Variants in ZNF827 observed in about 807,000 individuals in gnomAD.
The protein encoded by ZNF827 is zinc finger protein 827.
A neutral mutation model predicts 102.4 loss-of-function variants in ZNF827; 13 were observed. That is an observed-to-expected ratio of 0.13 (90% CI 0.08 to 0.20). The LOEUF (loss-of-function observed/expected upper bound fraction) is 0.20. Ranked by LOEUF, ZNF827 falls within the 10% of genes least tolerant of loss-of-function variation. The pLI, the probability that ZNF827 is intolerant of heterozygous loss-of-function variation, is 1.00. For synonymous variants in ZNF827, 523 were observed against 536.2 expected (o/e 0.98, Z 0.34); for missense variants, 1,103 against 1,344.4 (o/e 0.82, Z 2.81).
In ZNF827 at chr4:145,938,464, G is replaced by T; in HGVS notation, c.-57C>A. The T allele has an allele frequency of 1.3e-6, 2 of 1,555,162 alleles. No homozygotes were observed. Among genetic ancestry groups the T allele is most frequent in the Non-Finnish European group, 1.8e-6 (2 of 1,140,142 alleles). Reference sequence around the variant, plus strand: ...TTAATGTGAGATCAAATAAACCCCCGTGGGGGCAGAGAGGCAGACACTGGC... The same window carrying T: ...TTAATGTGAGATCAAATAAACCCCCTTGGGGGCAGAGAGGCAGACACTGGC... On this transcript the variant is annotated 5_prime_UTR_variant, in exon 1 of 15. Coordinates refer to ENST00000508784, the MANE Select transcript of ZNF827 (RefSeq NM_001306215.2).
chr4:145,792,452 T>C (rs949708580), intron 8 of ZNF827, among the ~76,000 whole-genome samples: 1 of 152,208 alleles, frequency 6.6e-6, no homozygotes, highest in African/African-American at 2.4e-5. Context: ...TACTTCTGTT[T>C]GTCATTTCAG....
At chr4:145,789,647 A>AT (rs1739395078) in intron 8 of ZNF827, among the ~76,000 whole-genome samples, 1 of 152,328 alleles carries the variant, frequency 6.6e-6, no homozygotes, top group East Asian at 1.9e-4. Flanking sequence ...CCAAACCCGA[A>AT]TCTGTCTGAC....
intron 1 of ZNF827, among the ~76,000 whole-genome samples, chr4:145,929,194 T>G (rs1034502329): frequency 6.6e-6 from 1 of 152,242 alleles, no homozygotes; most frequent in Admixed American, 6.5e-5. Flanking sequence ...ATTCATTGCA[T>G]GTATTCTCTT....
rs200578366 is a variant in ZNF827, at chr4:145,903,064, C to T, written c.195G>A (p.Thr65=). Residue 65 remains threonine (T), a synonymous_variant, in exon 2 of 15, where the codon ACG becomes ACA. Coordinates refer to ENST00000508784, the MANE Select transcript of ZNF827 (RefSeq NM_001306215.2). Reference sequence around the variant, plus strand: ...TGCTTCCCAAGGAGGTGTCCGGGGACGTGGACTGCTCCTGGATCCGGTCCT... The same window carrying T: ...TGCTTCCCAAGGAGGTGTCCGGGGATGTGGACTGCTCCTGGATCCGGTCCT... ...SLEDRIQEQS[T]SPDTSLGSTT... 39 of 1,614,170 alleles carry T rather than the reference C, an allele frequency of 2.4e-5. No homozygotes were observed. Among genetic ancestry groups the T allele is most frequent in the African/African-American group, 6.7e-5 (5 of 75,034 alleles).
intron 1 of ZNF827, among the ~76,000 whole-genome samples, chr4:145,906,799 A>C (rs1361641643): frequency 6.6e-6 from 1 of 152,258 alleles, no homozygotes; most frequent in Non-Finnish European, 1.5e-5. Context: ...AAATGCCTAG[A>C]TAATTTCTCA....
chr4:145,872,948 T>C (rs1034361262), intron 4 of ZNF827, among the ~76,000 whole-genome samples: 6 of 145,748 alleles, frequency 4.1e-5, no homozygotes, highest in Admixed American at 2.0e-4. Flanking sequence ...TTCTTTTCTT[T>C]TTTTTTTTTT....
chr4:145,871,091 G>C (rs1490756376), intron 4 of ZNF827, among the ~76,000 whole-genome samples: 3 of 152,018 alleles, frequency 2.0e-5, no homozygotes, highest in African/African-American at 7.2e-5. Flanking sequence ...AGTCATCACT[G>C]AGTCCAAAAT....
At chr4:145,807,813 A>C (rs1741625134) in intron 8 of ZNF827, among the ~76,000 whole-genome samples, 4 of 151,956 alleles carry the variant, frequency 2.6e-5, no homozygotes, top group Admixed American at 2.6e-4. Context: ...AAAAAAAACA[A>C]AAAACAAAAA....
At chr4:145,770,715 A>T (rs985121937) in intron 11 of ZNF827, among the ~76,000 whole-genome samples, 2 of 152,218 alleles carry the variant, frequency 1.3e-5, no homozygotes, top group African/African-American at 4.8e-5. Context: ...TGATTGTATT[A>T]TATCCATGGA....
At chr4:145,809,920 G>T (rs922400607) in intron 8 of ZNF827, among the ~76,000 whole-genome samples, 1 of 152,186 alleles carries the variant, frequency 6.6e-6, no homozygotes, top group Non-Finnish European at 1.5e-5. Context: ...CTGCTAGGCT[G>T]CCCTGCATTA....
At chr4:145,795,300 C>CA in intron 8 of ZNF827, among the ~76,000 whole-genome samples, 1 of 152,268 alleles carries the variant, frequency 6.6e-6, no homozygotes, top group South Asian at 2.1e-4. Context: ...AAGCACCCAC[C>CA]ACCCGCCTGG....
In ZNF827 at chr4:145,774,699, G is replaced by C. The variant is rs766553609; in HGVS notation, c.2694-27C>G. 1.1e-5 allele frequency: 17 copies of C among 1,605,770 alleles called. No homozygotes were observed. In the South Asian group the frequency reaches 1.7e-4, roughly 16 times the overall value. On this transcript the variant is annotated intron_variant, in intron 10 of 14. Transcript: ENST00000508784. ...TACATGAAAGGGTAAAAGAAAAGAGGGGGAGAGAAAAGGGTGACACATACT... is the reference window on the plus strand; with the variant it reads ...TACATGAAAGGGTAAAAGAAAAGAGCGGGAGAGAAAAGGGTGACACATACT...
intron 1 of ZNF827, among the ~76,000 whole-genome samples, chr4:145,905,472 A>G (rs949104098): frequency 7.2e-5 from 11 of 152,048 alleles, no homozygotes; most frequent in Admixed American, 4.6e-4. Context: ...ATTTGCTGGG[A>G]AAAAAAGCAG....
intron 9 of ZNF827, among the ~76,000 whole-genome samples, chr4:145,777,235 T>G (rs964052261): frequency 6.6e-6 from 1 of 152,232 alleles, no homozygotes; most frequent in East Asian, 1.9e-4. Context: ...TGTCCTTTCT[T>G]TAGAAGTTTT....
At chr4:145,889,681 G>C (rs1417449030) in intron 3 of ZNF827, among the ~76,000 whole-genome samples, 1 of 151,644 alleles carries the variant, frequency 6.6e-6, no homozygotes, top group Non-Finnish European at 1.5e-5. Context: ...AATTCATTAA[G>C]AAAATCTGTC....
At chr4:145,929,225 G>C (rs570946863) in intron 1 of ZNF827, among the ~76,000 whole-genome samples, 116 of 152,270 alleles carry the variant, frequency 7.6e-4, no homozygotes, top group African/African-American at 2.7e-3. Flanking sequence ...TCTGTGATTA[G>C]AAACAGCAGA....
intron 5 of ZNF827, among the ~76,000 whole-genome samples, chr4:145,864,633 G>T (rs891793159): frequency 6.6e-6 from 1 of 151,786 alleles, no homozygotes; most frequent in Non-Finnish European, 1.5e-5. Context: ...TTCTAGAAAA[G>T]CAGAATACTG....
At chr4:145,913,327 G>A (rs1261947186) in intron 1 of ZNF827, among the ~76,000 whole-genome samples, 1 of 146,718 alleles carries the variant, frequency 6.8e-6, no homozygotes, top group Non-Finnish European at 1.5e-5. Flanking sequence ...TCGGGAGGCT[G>A]AAGCAGAAGG....
At chr4:145,921,471 A>C (rs907304921) in intron 1 of ZNF827, among the ~76,000 whole-genome samples, 2 of 36,570 alleles carry the variant, frequency 5.5e-5, no homozygotes, top group Admixed American at 2.5e-4. Context: ...AGACTCAGGC[A>C]AAAAAAAAAA....
Sources: allele counts gnomAD v4.1 joint callset (sites outside exome capture counted in the v4.1 genomes callset), GRCh38; gene constraint gnomAD v4.1.1; transcripts MANE v1.5; gene names NCBI Gene and HGNC (gene_info 2026-07-23, HGNC 2026-07-21).